The following CHD7 variants were observed in gnomAD, a reference collection of about 807,000 sequenced individuals.
CHD7 encodes the protein chromodomain helicase DNA binding protein 7.
Under a neutral mutation model 307.3 loss-of-function variants are expected in CHD7, and 24 were observed. That is an observed-to-expected ratio of 0.08 (90% CI 0.06 to 0.11). CHD7 has a LOEUF of 0.11. Ranked by LOEUF, CHD7 falls within the 10% of genes least tolerant of loss-of-function variation. The probability of loss-of-function intolerance (pLI) is 1.00; values close to 1 mark genes in which losing one functional copy is unlikely to be tolerated. For synonymous variants in CHD7, 1,363 were observed against 1,349.9 expected (o/e 1.01, Z -0.21); for missense variants, 3,106 against 3,727.1 (o/e 0.83, Z 4.34).
intron 3 of CHD7, among the ~76,000 whole-genome samples, chr8:60,789,599 G>T (rs1047919149): frequency 6.6e-6 from 1 of 152,154 alleles, no homozygotes; most frequent in Non-Finnish European, 1.5e-5. Flanking sequence ...TTTCTGTTCA[G>T]GACTTAGATC....
At chr8:60,844,699 T>A (rs1034931327) in intron 21 of CHD7, among the ~76,000 whole-genome samples, 165 bp from the exon 22 acceptor site, 4 of 152,190 alleles carry the variant, frequency 2.6e-5, no homozygotes, top group Admixed American at 2.0e-4. Context: ...GCTTACTGTA[T>A]AAAGGAGTGT....
intron 1 of CHD7, among the ~76,000 whole-genome samples, chr8:60,734,667 T>C (rs1195965040): frequency 6.6e-6 from 1 of 152,202 alleles, no homozygotes; most frequent in East Asian, 1.9e-4. Context: ...TGATGGATGG[T>C]TGGTAAACTT....
intron 2 of CHD7, among the ~76,000 whole-genome samples, chr8:60,761,695 G>A (rs1246337814): frequency 6.6e-6 from 1 of 151,646 alleles, no homozygotes; most frequent in Non-Finnish European, 1.5e-5. Flanking sequence ...TTTGGTAGAA[G>A]GATTTCCATA....
chr8:60,742,811 C>G lies in CHD7; in HGVS notation c.1379C>G (p.Pro460Arg). ...CCCAGAAACATGCAGCAGTCTCGTC[C>G]ATTTATAGGCATGTCCTCGGCACCA... ...MGPRNMQQSR[P>R]FIGMSSAPRE... Residue 460 changes from proline to arginine, a missense_variant, in exon 2 of 38, where the codon CCA becomes CGA. By Grantham distance (103) the Pro-to-Arg change is moderately radical (BLOSUM62 -2). Transcript: ENST00000423902. 1.2e-6 allele frequency: 2 copies of G among 1,613,938 alleles called. No homozygotes were observed. Among genetic ancestry groups the G allele is most frequent in the Non-Finnish European group, 1.7e-6 (2 of 1,179,852 alleles).
In CHD7 at chr8:60,680,171, G is replaced by C. The variant is rs182389553; in HGVS notation, c.-175+1089G>C. ...CCAGGTGGCCCCCGAGGTGACCCGG[G>C]TGCGCTCTGCCCTCGCAGAGAGCCG... is the stretch of plus-strand genomic sequence containing the variant. On this transcript the variant is annotated intron_variant, in intron 1 of 37. Transcript: ENST00000423902. Among the ~76,000 whole-genome samples, 277 of 152,038 alleles carry C rather than the reference G, an allele frequency of 1.8e-3. No homozygotes were observed. In the East Asian group the frequency reaches 0.021, roughly 11 times the overall value.
chr8:60,726,868 C>A (rs1808186948), intron 1 of CHD7, among the ~76,000 whole-genome samples: 1 of 152,108 alleles, frequency 6.6e-6, no homozygotes, highest in South Asian at 2.1e-4. Context: ...CCTGTGTGTC[C>A]CAGGGGGTTC....
At chr8:60,834,176 TA>T (rs945399475) in intron 15 of CHD7, among the ~76,000 whole-genome samples, 2 of 152,224 alleles carry the variant, frequency 1.3e-5, no homozygotes, top group African/African-American at 2.4e-5. Context: ...AATTATTTGT[TA>T]AAAAAATTTA....
At chr8:60,773,264 A>G (rs950381005) in intron 2 of CHD7, among the ~76,000 whole-genome samples, 1 of 152,216 alleles carries the variant, frequency 6.6e-6, no homozygotes, top group African/African-American at 2.4e-5. Flanking sequence ...TTCCCTGCCC[A>G]GAGAAATGAT....
chr8:60,690,188 C>T (rs1806125222), intron 1 of CHD7, among the ~76,000 whole-genome samples: 1 of 150,782 alleles, frequency 6.6e-6, no homozygotes, highest in Admixed American at 6.6e-5. Flanking sequence ...GTTCCTTTGC[C>T]AGGGGATTAA....
At chr8:60,687,762 C>T (rs1805983601) in intron 1 of CHD7, among the ~76,000 whole-genome samples, 1 of 152,126 alleles carries the variant, frequency 6.6e-6, no homozygotes, top group Admixed American at 6.5e-5. Context: ...GAACTATTAT[C>T]CCCATTTTAC....
intron 2 of CHD7, among the ~76,000 whole-genome samples, chr8:60,761,260 C>T (rs1432908301): frequency 1.4e-5 from 2 of 145,418 alleles, no homozygotes; most frequent in Admixed American, 7.2e-5. Context: ...CCAAACACCG[C>T]ATATTCTCAC....
At chr8:60,684,321 T>A (rs1468532166) in intron 1 of CHD7, among the ~76,000 whole-genome samples, 1 of 152,198 alleles carries the variant, frequency 6.6e-6, no homozygotes, top group African/African-American at 2.4e-5. Context: ...ATCTGGACTG[T>A]GATTAGTCTT....
intron 21 of CHD7, among the ~76,000 whole-genome samples, chr8:60,843,590 A>G (rs2150790154): frequency 6.6e-6 from 1 of 152,312 alleles, no homozygotes; most frequent in South Asian, 2.1e-4. Context: ...CAGGTGAGCA[A>G]GTAGAAGTGG....
intron 1 of CHD7, among the ~76,000 whole-genome samples, chr8:60,688,319 G>GTA (rs3832551): frequency 0.18 from 26,907 of 152,072 alleles, 2,746 homozygotes; most frequent in African/African-American, 0.28. Flanking sequence ...AACATACTTG[G>GTA]TATAGCATAT....
At chr8:60,848,387 G>A in intron 23 of CHD7, 128 bp from the exon 24 acceptor site, 1 of 636,374 alleles carries the variant, frequency 1.6e-6, no homozygotes. Flanking sequence ...CACGCTTCAA[G>A]CCTACCATAC....
chr8:60,782,371 G>T (rs1361543557), intron 3 of CHD7, among the ~76,000 whole-genome samples: 1 of 152,220 alleles, frequency 6.6e-6, no homozygotes, highest in Non-Finnish European at 1.5e-5. Flanking sequence ...TGCCCTGTGT[G>T]TGCATGCCCA....
In CHD7 at chr8:60,808,350, G is replaced by A. The variant is rs184704653; in HGVS notation, c.2498+78G>A. On this transcript the variant is annotated intron_variant, in intron 7 of 37. Transcript: ENST00000423902. ...AAACGACCATTTTTTTTTAAAGTTG[G>A]GAAATTAAGAAACTTTGGTATGATT... The A allele has an allele frequency of 6.0e-5, 54 of 896,990 alleles. 1 individual carries two copies. The East Asian group carries it at 1.3e-3, about 21-fold the overall frequency. 55.6% of individuals were successfully genotyped at this position (896,990 alleles called of 1,614,324 possible).
At chr8:60,733,025 A>G (rs1018183351) in intron 1 of CHD7, among the ~76,000 whole-genome samples, 7 of 152,038 alleles carry the variant, frequency 4.6e-5, no homozygotes, top group East Asian at 1.9e-4. Flanking sequence ...CCCTGAGCCT[A>G]GGAGTTCAAG....
intron 3 of CHD7, among the ~76,000 whole-genome samples, chr8:60,783,090 T>A (rs1180042522): frequency 1.3e-5 from 2 of 152,200 alleles, no homozygotes; most frequent in East Asian, 3.8e-4. Flanking sequence ...AGCTTTCATC[T>A]TAATTTTTAA....
Sources: gnomAD v4.1 joint callset for allele counts (sites outside exome capture counted in the v4.1 genomes callset) on GRCh38, gnomAD v4.1.1 for gene constraint, MANE v1.5 for transcripts, NCBI Gene and HGNC (gene_info 2026-07-23, HGNC 2026-07-21) for gene names.